Variants in GPC5 observed in about 807,000 individuals in gnomAD.
GPC5 encodes glypican 5.
In GPC5, 47 loss-of-function variants were observed where a neutral mutation model predicts 53.9. The observed-to-expected ratio is 0.87, with a 90% confidence interval of 0.69 to 1.11. The LOEUF (loss-of-function observed/expected upper bound fraction) is 1.11. Ranked by LOEUF, GPC5 falls within the 50% of genes most tolerant of loss-of-function variation. The pLI is 0.00. For synonymous variants in GPC5, 286 were observed against 263.3 expected, an observed-to-expected ratio of 1.09 and a Z score of -0.84; for missense variants, 748 against 713.1, an observed-to-expected ratio of 1.05 and a Z score of -0.56.
chr13:92,026,575 T>C (rs1174069546), intron 6 of GPC5, among the ~76,000 whole-genome samples: 1 of 151,790 alleles, frequency 6.6e-6, no homozygotes, highest in African/African-American at 2.4e-5. Context: ...TCCAGCTACC[T>C]TATAAAAAAT....
At chr13:92,044,532 C>T (rs1008649641) in intron 6 of GPC5, among the ~76,000 whole-genome samples, 3 of 152,140 alleles carry the variant, frequency 2.0e-5, no homozygotes, top group Non-Finnish European at 2.9e-5. Context: ...TTTACTTTGC[C>T]AAATGACTTG....
intron 5 of GPC5, among the ~76,000 whole-genome samples, chr13:91,806,470 C>A (rs2038224358): frequency 6.6e-6 from 1 of 150,558 alleles, no homozygotes. Flanking sequence ...AATAAAAAAC[C>A]ATTCTTAAAT....
intron 2 of GPC5, among the ~76,000 whole-genome samples, chr13:91,529,226 G>T (rs1459990927): frequency 6.6e-6 from 1 of 152,054 alleles, no homozygotes; most frequent in South Asian, 2.1e-4. Context: ...TGCATATCCT[G>T]CCTTCATAAA....
At chr13:92,168,990 T>C (rs954038242) in intron 7 of GPC5, among the ~76,000 whole-genome samples, 4 of 152,172 alleles carry the variant, frequency 2.6e-5, no homozygotes, top group Non-Finnish European at 4.4e-5. Context: ...TATGGAATAC[T>C]TCGCAGCCAT....
At chr13:92,106,766 A>T (rs557600597) in intron 6 of GPC5, among the ~76,000 whole-genome samples, 8 of 152,160 alleles carry the variant, frequency 5.3e-5, no homozygotes, top group Admixed American at 3.9e-4. Context: ...GATACGCCAA[A>T]AATTTCCTAT....
intron 7 of GPC5, among the ~76,000 whole-genome samples, chr13:92,533,136 C>T (rs1881618310): frequency 1.3e-5 from 2 of 152,094 alleles, no homozygotes; most frequent in Non-Finnish European, 2.9e-5. Context: ...AATTTTATTA[C>T]AGAATCCAAT....
At chr13:92,559,272 T>C (rs887675255) in intron 7 of GPC5, among the ~76,000 whole-genome samples, 11 of 151,712 alleles carry the variant, frequency 7.3e-5, no homozygotes, top group Admixed American at 3.3e-4. Context: ...TAAGCAATGA[T>C]ATGTCAGCAT....
intron 2 of GPC5, among the ~76,000 whole-genome samples, chr13:91,679,346 C>T (rs913857220): frequency 1.1e-4 from 16 of 151,998 alleles, no homozygotes; most frequent in Non-Finnish European, 2.2e-4. Flanking sequence ...TTGATCCTAA[C>T]ATACAAAATA....
At chr13:92,741,812 C>T (rs919069772) in intron 7 of GPC5, among the ~76,000 whole-genome samples, 3 of 152,030 alleles carry the variant, frequency 2.0e-5, no homozygotes, top group South Asian at 2.1e-4. Context: ...GTTCAATTCC[C>T]GCCTATGAGT....
At chr13:91,970,085 T>C (rs2040226851) in intron 6 of GPC5, among the ~76,000 whole-genome samples, 1 of 152,096 alleles carries the variant, frequency 6.6e-6, no homozygotes, top group Non-Finnish European at 1.5e-5. Context: ...CTATTCAGTA[T>C]TTAAAAAAGA....
Position 92,605,246 on chromosome 13 carries a change from G to A in GPC5, c.1562-261036G>A, listed in dbSNP as rs145261908. Among the ~76,000 whole-genome samples, 787 of 152,274 alleles carry A rather than the reference G, an allele frequency of 5.2e-3. 7 individuals carry two copies. The highest frequency in any genetic ancestry group is 0.018 in the African/African-American group (742 of 41,566). ...TCTTTCCTGTACTCCACAAATTCTT[G>A]TAATCATTAATTCTCCAATATTACT... On this transcript the variant is annotated intron_variant, in intron 7 of 7. Coordinates refer to ENST00000377067, the MANE Select transcript of GPC5 (RefSeq NM_004466.6).
intron 6 of GPC5, among the ~76,000 whole-genome samples, chr13:92,070,191 G>A (rs1322225899): frequency 6.6e-6 from 1 of 152,144 alleles, no homozygotes; most frequent in Non-Finnish European, 1.5e-5. Context: ...CTGACAGCCA[G>A]CAAGGAAATG....
At chr13:92,243,874 TG>T (rs1364464285) in intron 7 of GPC5, among the ~76,000 whole-genome samples, 1 of 152,134 alleles carries the variant, frequency 6.6e-6, no homozygotes, top group African/African-American at 2.4e-5. Flanking sequence ...CTACCCTTTT[TG>T]GTACCTAAAA....
chr13:92,456,934 G>A (rs538921030), intron 7 of GPC5, among the ~76,000 whole-genome samples: 16 of 152,138 alleles, frequency 1.1e-4, no homozygotes, highest in East Asian at 5.8e-4. Flanking sequence ...GTTGGGGTAC[G>A]AATGATTCCA....
chr13:92,132,890 C>T (rs1176607072), intron 6 of GPC5, among the ~76,000 whole-genome samples: 2 of 152,048 alleles, frequency 1.3e-5, no homozygotes, highest in African/African-American at 4.8e-5. Flanking sequence ...TGCAATATGG[C>T]TTGATTATAT....
At chr13:91,692,126 T>C (rs1481562356) in intron 2 of GPC5, among the ~76,000 whole-genome samples, 14 of 152,190 alleles carry the variant, frequency 9.2e-5, no homozygotes, top group Non-Finnish European at 2.9e-5. Context: ...CTTGGTTCTT[T>C]TTGTGGATAA....
intron 7 of GPC5, among the ~76,000 whole-genome samples, chr13:92,544,423 A>G (rs1882031882): frequency 6.6e-6 from 1 of 152,224 alleles, no homozygotes; most frequent in Admixed American, 6.5e-5. Flanking sequence ...GAGTATTTAA[A>G]TATGCCCTCT....
chr13:92,359,442 G>C (rs1424598450), intron 7 of GPC5, among the ~76,000 whole-genome samples: 1 of 151,486 alleles, frequency 6.6e-6, no homozygotes, highest in Non-Finnish European at 1.5e-5. Flanking sequence ...CCTCCAAACT[G>C]TTCCTACCTC....
At chr13:92,266,364 A>G (rs1594050410) in intron 7 of GPC5, among the ~76,000 whole-genome samples, 2 of 152,282 alleles carry the variant, frequency 1.3e-5, no homozygotes, top group Non-Finnish European at 1.5e-5. Context: ...TAATTTATTT[A>G]TCACCTGATT....
Sources: gnomAD v4.1 joint callset for allele counts (sites outside exome capture counted in the v4.1 genomes callset) on GRCh38, gnomAD v4.1.1 for gene constraint, MANE v1.5 for transcripts, NCBI Gene and HGNC (gene_info 2026-07-23, HGNC 2026-07-21) for gene names.